Variants in FIG4 observed in about 807,000 individuals in gnomAD.
The protein encoded by FIG4 is FIG4 phosphoinositide 5-phosphatase.
FIG4 carries 112 observed loss-of-function variants against 118.6 expected under a neutral mutation model. That is an observed-to-expected ratio of 0.94 (90% CI 0.81 to 1.11). FIG4 has a LOEUF of 1.11. FIG4 is among the 50% of genes least tolerant of loss of function. FIG4 has a pLI of 0.00. For synonymous variants in FIG4, 369 were observed against 381.2 expected (o/e 0.97, Z 0.37); for missense variants, 969 against 1,111.7 (o/e 0.87, Z 1.83).
chr6:109,772,438 G>A (rs1777494219), intron 15 of FIG4, among the ~76,000 whole-genome samples: 1 of 152,014 alleles, frequency 6.6e-6, no homozygotes, highest in Non-Finnish European at 1.5e-5. Context: ...CATCTCTGCT[G>A]GGATATTGAA....
intron 1 of FIG4, among the ~76,000 whole-genome samples, chr6:109,697,622 C>T (rs1774770651): frequency 6.6e-6 from 1 of 152,132 alleles, no homozygotes; most frequent in Admixed American, 6.5e-5. Context: ...TCAGAAGTCA[C>T]ACTCTTATCA....
At chr6:109,733,618 T>C (rs1776074142) in intron 5 of FIG4, among the ~76,000 whole-genome samples, 1 of 152,114 alleles carries the variant, frequency 6.6e-6, no homozygotes, top group Non-Finnish European at 1.5e-5. Flanking sequence ...GGGTGAATTA[T>C]GTCTTTATTG....
chr6:109,783,285 G>GTAAA (rs945957024), intron 16 of FIG4, among the ~76,000 whole-genome samples: 2 of 152,142 alleles, frequency 1.3e-5, no homozygotes, highest in South Asian at 4.1e-4. Flanking sequence ...GTTGAAAAAA[G>GTAAA]TAAATAAATA....
At chr6:109,783,538 G>T (rs898927293) in intron 16 of FIG4, among the ~76,000 whole-genome samples, 3 of 152,170 alleles carry the variant, frequency 2.0e-5, no homozygotes, top group Non-Finnish European at 4.4e-5. Flanking sequence ...GAATTAAGTA[G>T]CTCTACTTTC....
chr6:109,807,416 G>A (rs1262058461), intron 22 of FIG4, among the ~76,000 whole-genome samples: 1 of 152,196 alleles, frequency 6.6e-6, no homozygotes, highest in Admixed American at 6.5e-5. Flanking sequence ...GTTCTTTTGA[G>A]AAGTGTCTGT....
At chr6:109,803,988 G>A (rs1199352983) in intron 22 of FIG4, among the ~76,000 whole-genome samples, 1 of 152,092 alleles carries the variant, frequency 6.6e-6, no homozygotes, top group Non-Finnish European at 1.5e-5. Flanking sequence ...AAGTTAAATA[G>A]ATTATTTATA....
chr6:109,695,610 A>G (rs1323485898), intron 1 of FIG4, among the ~76,000 whole-genome samples: 1 of 152,050 alleles, frequency 6.6e-6, no homozygotes, highest in African/African-American at 2.4e-5. Flanking sequence ...AGACACACAC[A>G]CACACACACA....
chr6:109,794,291 A>G (rs1423409345), intron 21 of FIG4, among the ~76,000 whole-genome samples: 2 of 152,224 alleles, frequency 1.3e-5, no homozygotes, highest in East Asian at 3.8e-4. Context: ...TGCCTTATCC[A>G]GGAGTCATAT....
chr6:109,796,895 C>T (rs1382337969), intron 22 of FIG4, 44 bp downstream of exon 22: 2 of 1,086,434 alleles, frequency 1.8e-6, no homozygotes, highest in Non-Finnish European at 2.9e-6. Context: ...TGTATTCATG[C>T]CACTCATAGG....
At chr6:109,822,931 A>G (rs887532878) in intron 22 of FIG4, among the ~76,000 whole-genome samples, 7 of 150,246 alleles carry the variant, frequency 4.7e-5, no homozygotes, top group Non-Finnish European at 1.0e-4. Flanking sequence ...TATACACCAT[A>G]TCTCATCTAC....
chr6:109,797,121 A>G (rs1366410738), intron 22 of FIG4, among the ~76,000 whole-genome samples: 1 of 152,144 alleles, frequency 6.6e-6, no homozygotes, highest in Non-Finnish European at 1.5e-5. Flanking sequence ...TCCACTGGGT[A>G]GAAGTGGGAT....
intron 1 of FIG4, among the ~76,000 whole-genome samples, chr6:109,698,013 C>T (rs749987582): frequency 1.3e-5 from 2 of 151,916 alleles, no homozygotes; most frequent in African/African-American, 2.4e-5. Context: ...CTTAGCCTCC[C>T]GGATAGCTGG....
At chr6:109,700,484 C>A (rs888776798) in intron 1 of FIG4, among the ~76,000 whole-genome samples, 1 of 152,266 alleles carries the variant, frequency 6.6e-6, no homozygotes, top group African/African-American at 2.4e-5. Context: ...AATAGATTCC[C>A]TTTTTCCCCC....
In FIG4 at chr6:109,780,207, G is replaced by A. The variant is rs143130997; in HGVS notation, c.1889+3147G>A. Among the ~76,000 whole-genome samples the A allele has an allele frequency of 5.8e-3, 888 of 152,344 alleles. 2 individuals carry two copies. Among genetic ancestry groups the A allele is most frequent in the Non-Finnish European group, 9.1e-3 (616 of 68,034 alleles). Reference sequence around the variant, plus strand: ...CACCTAGCAAATACAATAGGTGTTAGTATTGTTACTGTCTTTGTTTTTGAG... The same window carrying A: ...CACCTAGCAAATACAATAGGTGTTAATATTGTTACTGTCTTTGTTTTTGAG... On this transcript the variant is annotated intron_variant, in intron 16 of 22. Coordinates refer to ENST00000230124, the MANE Select transcript of FIG4 (RefSeq NM_014845.6).
chr6:109,708,832 G>A (rs1393999772), intron 1 of FIG4, among the ~76,000 whole-genome samples: 1 of 151,740 alleles, frequency 6.6e-6, no homozygotes, highest in African/African-American at 2.4e-5. Flanking sequence ...GTGTAAATTT[G>A]TTTAAGTCCC....
At position 109,762,196 on chromosome 6, in the gene FIG4, G is replaced by T. The variant is rs2128391467; in HGVS notation, c.1377G>T (p.Arg459=). 6.2e-7 allele frequency: 1 copy of T among 1,600,680 alleles called. No homozygotes were observed. Residue 459 remains arginine (R), a synonymous_variant, in exon 12 of 23, where the codon CGG becomes CGT. Coordinates refer to ENST00000230124, the MANE Select transcript of FIG4 (RefSeq NM_014845.6). ...CTGATTCTTACTGTAGCATTTTGCG[G>T]CCAGATGAAAAGTATGTATGGTATT... ...NRPDSYCSIL[R]PDEKWNELGG...
In FIG4 at chr6:109,776,588, T is replaced by A. The variant is rs111505237; in HGVS notation, c.1751-334T>A. 0.026 allele frequency among the ~76,000 whole-genome samples: 3,968 copies of A among 152,302 alleles called. 172 individuals carry two copies. Among genetic ancestry groups the A allele is most frequent in the African/African-American group, 0.091 (3,776 of 41,538 alleles). ...GGTAAAATAACAAATGGTGAGGATATATTTTCATTTTAAAAATAAAATTGC... is the reference window on the plus strand; with the variant it reads ...GGTAAAATAACAAATGGTGAGGATAAATTTTCATTTTAAAAATAAAATTGC... On this transcript the variant is annotated intron_variant, in intron 15 of 22. Transcript: ENST00000230124.
chr6:109,791,620 G>A, intron 20 of FIG4, 49 bp downstream of exon 20: 1 of 1,551,382 alleles, frequency 6.4e-7, no homozygotes, highest in Non-Finnish European at 8.9e-7. Context: ...CCTGGAAAAT[G>A]ATCTTTACAA....
At chr6:109,707,716 G>A (rs975684004) in intron 1 of FIG4, among the ~76,000 whole-genome samples, 2 of 151,578 alleles carry the variant, frequency 1.3e-5, no homozygotes, top group African/African-American at 4.8e-5. Flanking sequence ...AGACTTGTTT[G>A]TTATTTAGTT....
Sources: gnomAD v4.1 joint callset for allele counts (sites outside exome capture counted in the v4.1 genomes callset) on GRCh38, gnomAD v4.1.1 for gene constraint, MANE v1.5 for transcripts, NCBI Gene and HGNC (gene_info 2026-07-23, HGNC 2026-07-21) for gene names.